ATXN1: variants seen among roughly 807,000 people sequenced by gnomAD.
ATXN1 encodes ataxin 1.
A neutral mutation model predicts 56.4 loss-of-function variants in ATXN1; 8 were observed. The observed-to-expected ratio is 0.14, with a 90% CI of 0.08 to 0.26. The LOEUF (loss-of-function observed/expected upper bound fraction) is 0.26, where lower values mean the gene tolerates loss of function less well. ATXN1 is among the 10% of genes least tolerant of loss of function. ATXN1 has a pLI of 1.00. For synonymous variants in ATXN1, 514 were observed against 494.6 expected (o/e 1.04, Z -0.52); for missense variants, 987 against 1,106.5 (o/e 0.89, Z 1.53).
chr6:16,402,856 T>C (rs1581738949), intron 6 of ATXN1, among the ~76,000 whole-genome samples: 2 of 152,176 alleles, frequency 1.3e-5, no homozygotes, highest in African/African-American at 4.8e-5. Context: ...TTTTATGGAA[T>C]TAGGCATGGG....
chr6:16,670,890 A>G (rs1035172287), intron 2 of ATXN1, among the ~76,000 whole-genome samples: 1 of 152,236 alleles, frequency 6.6e-6, no homozygotes, highest in Non-Finnish European at 1.5e-5. Flanking sequence ...TGCTCACCAC[A>G]ACCACATGCC....
chr6:16,724,155 A>T (rs1759800451), intron 2 of ATXN1, among the ~76,000 whole-genome samples: 1 of 152,178 alleles, frequency 6.6e-6, no homozygotes, highest in Non-Finnish European at 1.5e-5. Context: ...TTAAACCCCG[A>T]GTGACTGGCA....
At chr6:16,453,588 TATCATC>T (rs924301113) in intron 6 of ATXN1, among the ~76,000 whole-genome samples, 1 of 152,138 alleles carries the variant, frequency 6.6e-6, no homozygotes, top group Non-Finnish European at 1.5e-5. Context: ...TCATTATCAT[TATCATC>T]ATCATCATCA....
chr6:16,656,489 G>A (rs1404197255), intron 3 of ATXN1, among the ~76,000 whole-genome samples: 2 of 148,578 alleles, frequency 1.3e-5, no homozygotes, highest in African/African-American at 2.6e-5. Context: ...TATCATGAAC[G>A]GGGTTGATAA....
At chr6:16,704,900 G>C (rs1047329551) in intron 2 of ATXN1, among the ~76,000 whole-genome samples, 2 of 152,202 alleles carry the variant, frequency 1.3e-5, no homozygotes, top group Non-Finnish European at 2.9e-5. Context: ...CACTCAGCGA[G>C]GGGGAGGGGG....
At chr6:16,586,811 G>C (rs1208750112) in intron 3 of ATXN1, among the ~76,000 whole-genome samples, 1 of 152,110 alleles carries the variant, frequency 6.6e-6, no homozygotes, top group African/African-American at 2.4e-5. Flanking sequence ...ATGAGGTCAG[G>C]AGATCGAGAC....
At chr6:16,384,340 C>A (rs188259138) in intron 6 of ATXN1, among the ~76,000 whole-genome samples, 57 of 152,280 alleles carry the variant, frequency 3.7e-4, no homozygotes, top group African/African-American at 1.3e-3. Context: ...ACTGGTGTGA[C>A]CATGAGATAT....
intron 2 of ATXN1, among the ~76,000 whole-genome samples, chr6:16,748,959 A>G (rs1424632344): frequency 6.6e-6 from 1 of 152,222 alleles, no homozygotes; most frequent in East Asian, 1.9e-4. Context: ...ACTTTACATC[A>G]GGAAGTCTTA....
rs1172935944 is a variant in ATXN1, at chr6:16,410,852, C to T, written c.-161+75120G>A. Reference sequence around the variant, plus strand: ...TGGAAAATAGGTGGGTGGCCAGGCACAGTGGCTCACGCCTGTAATCCCAGC... The same window carrying T: ...TGGAAAATAGGTGGGTGGCCAGGCATAGTGGCTCACGCCTGTAATCCCAGC... On this transcript the variant is annotated intron_variant, in intron 6 of 7. Transcript: ENST00000436367. This position sits in a 1 kb window ranked among gnomAD's most constrained non-coding sequence, Gnocchi z 4.6. 6.6e-6 allele frequency among the ~76,000 whole-genome samples: 1 copy of T among 152,160 alleles called. No individual in the cohort carries two copies. Among genetic ancestry groups the T allele is most frequent in the Non-Finnish European group, 1.5e-5 (1 of 68,030 alleles).
At chr6:16,685,017 GACA>G (rs1437738105) in intron 2 of ATXN1, among the ~76,000 whole-genome samples, 2 of 143,626 alleles carry the variant, frequency 1.4e-5, no homozygotes, top group Non-Finnish European at 3.2e-5. Context: ...AACTTCTACA[GACA>G]ACACACACAC....
chr6:16,485,482 T>C (rs765478866), intron 6 of ATXN1: 1 of 152,188 alleles, frequency 6.6e-6, no homozygotes, highest in Non-Finnish European at 1.5e-5. Context: ...GTAACTTGCA[T>C]ACCTCAAGAT....
intron 2 of ATXN1, among the ~76,000 whole-genome samples, chr6:16,661,527 C>T (rs9370918): frequency 0.45 from 69,014 of 151,972 alleles, 17,154 homozygotes; most frequent in East Asian, 0.79. Context: ...AAGCAGCCTG[C>T]AGGATGGCTT....
Position 16,326,389 on chromosome 6 carries a change from G to T in ATXN1, c.1917+5C>A, listed in dbSNP as rs764179497. On this transcript the variant is annotated splice_donor_5th_base_variant and intron_variant, in intron 7 of 7. Coordinates refer to ENST00000436367, the MANE Select transcript of ATXN1 (RefSeq NM_001128164.2). The surrounding 1 kb of genome is among the most constrained non-coding windows in gnomAD (Gnocchi z 6.6). The stretch of plus-strand genomic sequence containing the variant: ...CCATCCCTGTGCCACCCTGGCTAAC[G>T]TTACCTGGGCTCGGTGCTCCCCGAC... 1 of 1,612,370 alleles carries T rather than the reference G, an allele frequency of 6.2e-7. No individual in the cohort carries two copies.
At chr6:16,351,430 T>G (rs1761564314) in intron 6 of ATXN1, among the ~76,000 whole-genome samples, 1 of 148,904 alleles carries the variant, frequency 6.7e-6, no homozygotes, top group South Asian at 2.1e-4. Context: ...TGAAACAAGG[T>G]CTCACTCTGT....
chr6:16,530,848 G>A (rs998428298), intron 4 of ATXN1, among the ~76,000 whole-genome samples: 2 of 152,118 alleles, frequency 1.3e-5, no homozygotes, highest in Non-Finnish European at 2.9e-5. Flanking sequence ...GTGGGTATGC[G>A]TGTGTGTGTA....
intron 2 of ATXN1, among the ~76,000 whole-genome samples, 165 bp from the exon 3 acceptor site, chr6:16,658,066 A>C (rs1382114120): frequency 6.6e-6 from 1 of 152,146 alleles, no homozygotes; most frequent in Non-Finnish European, 1.5e-5. Flanking sequence ...TTATCTACAT[A>C]AGGTGCCCTA....
intron 2 of ATXN1, among the ~76,000 whole-genome samples, chr6:16,672,001 G>A (rs976087133): frequency 6.6e-5 from 10 of 152,308 alleles, no homozygotes; most frequent in Non-Finnish European, 1.5e-4. Flanking sequence ...CCAAGTGTGA[G>A]CCAAGGACCT....
chr6:16,726,783 G>A lies in ATXN1; in HGVS notation c.-615+26450C>T, dbSNP rs142707728. Among the ~76,000 whole-genome samples, 969 of 152,210 alleles carry A rather than the reference G, an allele frequency of 6.4e-3. 6 individuals carry two copies. Among genetic ancestry groups the A allele is most frequent in the African/African-American group, 0.02 (840 of 41,522 alleles). On this transcript the variant is annotated intron_variant, in intron 2 of 7. Transcript: ENST00000436367. ...TGAGGCAGAAGAATCGCTTGAAGCCGGGAGGTGGAGGTTGCAGTGAGCCAA... is the reference window on the plus strand; with the variant it reads ...TGAGGCAGAAGAATCGCTTGAAGCCAGGAGGTGGAGGTTGCAGTGAGCCAA...
At chr6:16,536,467 C>T (rs899364103) in intron 4 of ATXN1, among the ~76,000 whole-genome samples, 4 of 152,082 alleles carry the variant, frequency 2.6e-5, no homozygotes, top group Non-Finnish European at 2.9e-5. Flanking sequence ...TTACAATTTA[C>T]TTGTATGTTT....
Sources: gnomAD v4.1 joint callset for allele counts (sites outside exome capture counted in the v4.1 genomes callset) on GRCh38, gnomAD v4.1.1 for gene constraint, Gnocchi (gnomAD v3.1) non-coding constraint, MANE v1.5 for transcripts, NCBI Gene and HGNC (gene_info 2026-07-23, HGNC 2026-07-21) for gene names.